KDM4C: variants seen among roughly 807,000 people sequenced by gnomAD.
The protein encoded by KDM4C is lysine-specific demethylase 4C.
A neutral mutation model predicts 129.3 loss-of-function variants in KDM4C; 81 were observed. The observed-to-expected ratio is 0.63, with a 90% CI of 0.52 to 0.75. The LOEUF (loss-of-function observed/expected upper bound fraction) is 0.75. KDM4C is among the 30% of genes least tolerant of loss of function. The pLI, the probability that KDM4C is intolerant of heterozygous loss-of-function variation, is 0.00. For synonymous variants in KDM4C, 573 were observed against 456.1 expected (o/e 1.26, Z -3.26); for missense variants, 1,457 against 1,304.0 (o/e 1.12, Z -1.81).
chr9:6,867,970 TC>T (rs1388427335), intron 5 of KDM4C, among the ~76,000 whole-genome samples: 2 of 152,018 alleles, frequency 1.3e-5, no homozygotes, highest in Non-Finnish European at 2.9e-5. Flanking sequence ...CTGTGATAGG[TC>T]CCTACTTTGG....
chr9:7,054,511 G>A (rs1336187935), intron 17 of KDM4C, among the ~76,000 whole-genome samples: 2 of 152,192 alleles, frequency 1.3e-5, no homozygotes, highest in East Asian at 3.8e-4. Context: ...TTAAGGATGG[G>A]ACTTTAGAGA....
At chr9:6,801,637 C>T (rs184330532) in intron 2 of KDM4C, among the ~76,000 whole-genome samples, 2 of 151,670 alleles carry the variant, frequency 1.3e-5, no homozygotes, top group African/African-American at 4.8e-5. Flanking sequence ...CTCTCTCTCT[C>T]TCTGTCTCTC....
chr9:7,134,655 C>G (rs1279198530), intron 19 of KDM4C, among the ~76,000 whole-genome samples: 1 of 152,130 alleles, frequency 6.6e-6, no homozygotes, highest in Non-Finnish European at 1.5e-5. Context: ...CACAGATGCA[C>G]CTTTATAAAC....
At chr9:6,867,775 G>A (rs1253132433) in intron 5 of KDM4C, among the ~76,000 whole-genome samples, 3 of 152,128 alleles carry the variant, frequency 2.0e-5, no homozygotes, top group African/African-American at 7.2e-5. Context: ...TTGACAGAAT[G>A]GCTTCTACTT....
chr9:6,963,709 C>G (rs1461649308), intron 8 of KDM4C, among the ~76,000 whole-genome samples: 1 of 152,158 alleles, frequency 6.6e-6, no homozygotes, highest in African/African-American at 2.4e-5. Flanking sequence ...GCAATGTGTC[C>G]TGTCCTGTGT....
Position 6,805,635 on chromosome 9 carries a change from T to C in KDM4C, c.181T>C (p.Tyr61His). 1 of 1,614,044 alleles carries C rather than the reference T, an allele frequency of 6.2e-7. No homozygotes were observed. Among genetic ancestry groups the C allele is most frequent in the Non-Finnish European group, 8.5e-7 (1 of 1,179,956 alleles). Reference protein sequence around the residue: ...PPKEWKPRQCYDDIDNLLIPA... With the variant: ...PPKEWKPRQCHDDIDNLLIPA... ...TAAGGAGTGGAAGCCAAGACAGTGC[T>C]ATGATGACATTGATAATTTGCTCAT... Residue 61 changes from tyrosine (Y) to histidine (H), a missense_variant, in exon 3 of 22, where the codon TAT becomes CAT. Physicochemically the swap from Tyr to His is moderately conservative, Grantham distance 83. Coordinates refer to ENST00000381309, the MANE Select transcript of KDM4C (RefSeq NM_015061.6).
At chr9:6,896,472 A>AATATAT (rs147956009) in intron 8 of KDM4C, among the ~76,000 whole-genome samples, 6 of 148,808 alleles carry the variant, frequency 4.0e-5, no homozygotes, top group African/African-American at 1.2e-4. Context: ...AACACTATGA[A>AATATAT]ATATATATAT....
chr9:7,021,617 C>T (rs923978299), intron 15 of KDM4C, among the ~76,000 whole-genome samples: 9 of 152,106 alleles, frequency 5.9e-5, no homozygotes, highest in African/African-American at 2.2e-4. Context: ...TGGGTTGTCT[C>T]TTCACTGTGT....
At position 6,952,417 on chromosome 9, in the gene KDM4C, ATATATATAT is replaced by A. The variant is rs1415572879; in HGVS notation, c.922-28507_922-28499del. Among the ~76,000 whole-genome samples, 4 of 148,616 alleles carry A rather than the reference ATATATATAT, an allele frequency of 2.7e-5. No individual in the cohort carries two copies. In the East Asian group the frequency reaches 7.8e-4, roughly 29 times the overall value. ...GTTCACAGTGTGTATGTGTGTATAT[ATATATATAT>A]ATATAATAATAATTATTATTATATG... On this transcript the variant is annotated intron_variant, in intron 8 of 21. Coordinates refer to ENST00000381309, the MANE Select transcript of KDM4C (RefSeq NM_015061.6).
chr9:6,811,576 C>CT (rs1257935548), intron 3 of KDM4C, among the ~76,000 whole-genome samples: 1 of 152,156 alleles, frequency 6.6e-6, no homozygotes, highest in African/African-American at 2.4e-5. Context: ...CGATATAACT[C>CT]TAATATAAAA....
At chr9:7,065,759 G>T (rs1456002465) in intron 17 of KDM4C, among the ~76,000 whole-genome samples, 3 of 152,026 alleles carry the variant, frequency 2.0e-5, no homozygotes, top group Admixed American at 6.6e-5. Flanking sequence ...TAATATGCTG[G>T]CCATTTGGTA....
At chr9:7,170,855 C>G (rs913155212) in intron 21 of KDM4C, 9 of 702,160 alleles carry the variant, frequency 1.3e-5, no homozygotes, top group South Asian at 6.5e-5. Context: ...CTGGGCCATA[C>G]TTGAAGAAGA....
At chr9:6,890,627 T>C (rs1265425630) in intron 7 of KDM4C, among the ~76,000 whole-genome samples, 2 of 151,738 alleles carry the variant, frequency 1.3e-5, no homozygotes, top group African/African-American at 4.9e-5. Context: ...TAACAGGTGC[T>C]CTTTTTTTTT....
At chr9:6,775,258 C>T (rs1330254764) in intron 1 of KDM4C, among the ~76,000 whole-genome samples, 1 of 152,048 alleles carries the variant, frequency 6.6e-6, no homozygotes, top group Non-Finnish European at 1.5e-5. Flanking sequence ...CTCAAGTGAT[C>T]AGCCTGCCTC....
chr9:6,790,064 C>A (rs1384380984), intron 1 of KDM4C, among the ~76,000 whole-genome samples: 1 of 147,782 alleles, frequency 6.8e-6, no homozygotes, highest in Non-Finnish European at 1.5e-5. Context: ...CGCCTGAGGT[C>A]AGGAGTTTGA....
chr9:6,724,655 C>T (rs1013330526), intron 1 of KDM4C, among the ~76,000 whole-genome samples: 7 of 152,044 alleles, frequency 4.6e-5, no homozygotes, highest in South Asian at 2.1e-4. Flanking sequence ...CTCAGCCTCC[C>T]GAGCAGCTGG....
intron 15 of KDM4C, among the ~76,000 whole-genome samples, chr9:7,042,822 A>G (rs143132361): frequency 6.6e-5 from 10 of 152,156 alleles, no homozygotes; most frequent in South Asian, 6.2e-4. Flanking sequence ...TTGAATCTCA[A>G]TTGTTCTCCT....
At chr9:6,906,347 C>A (rs547665882) in intron 8 of KDM4C, among the ~76,000 whole-genome samples, 15 of 152,154 alleles carry the variant, frequency 9.9e-5, no homozygotes, top group Non-Finnish European at 2.1e-4. Context: ...CCTCTCCAGG[C>A]AACACTATGG....
At chr9:7,072,148 A>G (rs1369024122) in intron 17 of KDM4C, among the ~76,000 whole-genome samples, 1 of 152,190 alleles carries the variant, frequency 6.6e-6, no homozygotes, top group East Asian at 1.9e-4. Flanking sequence ...GATAACTGAC[A>G]GTGTCAAGTA....
Sources: gnomAD v4.1 joint callset for allele counts (sites outside exome capture counted in the v4.1 genomes callset) on GRCh38, gnomAD v4.1.1 for gene constraint, MANE v1.5 for transcripts, NCBI Gene and HGNC (gene_info 2026-07-23, HGNC 2026-07-21) for gene names.